Variants in EDIL3 observed in about 807,000 individuals in gnomAD.
EDIL3 encodes the protein EGF-like repeat and discoidin I-like domain-containing protein 3.
A neutral mutation model predicts 67.4 loss-of-function variants in EDIL3; 37 were observed. The ratio of observed to expected loss-of-function variants is 0.55; its 90% CI spans 0.42 to 0.72. The LOEUF (loss-of-function observed/expected upper bound fraction) is 0.72. Ranked by LOEUF, EDIL3 falls within the 30% of genes least tolerant of loss-of-function variation. The pLI is 0.00. For missense variants in EDIL3, 527 were observed against 586.3 expected (o/e 0.90, Z 1.04); for synonymous variants, 195 against 196.3 (o/e 0.99, Z 0.05).
At chr5:84,132,122 C>A (rs920076652) in intron 5 of EDIL3, among the ~76,000 whole-genome samples, 2 of 149,730 alleles carry the variant, frequency 1.3e-5, no homozygotes, top group Admixed American at 1.4e-4. Flanking sequence ...GTAATCCCAG[C>A]TACTTGGGAG....
At chr5:84,052,268 T>C (rs1046537775) in intron 9 of EDIL3, among the ~76,000 whole-genome samples, 4 of 152,182 alleles carry the variant, frequency 2.6e-5, no homozygotes, top group Non-Finnish European at 5.9e-5. Context: ...CTGAGAGATT[T>C]TGTCACCATC....
chr5:84,197,206 A>G (rs934709442), intron 3 of EDIL3, among the ~76,000 whole-genome samples: 1 of 152,040 alleles, frequency 6.6e-6, no homozygotes, highest in African/African-American at 2.4e-5. Flanking sequence ...TAGACAAATA[A>G]ATAGGCAACT....
At chr5:84,188,563 C>G (rs1428765742) in intron 3 of EDIL3, among the ~76,000 whole-genome samples, 2 of 151,630 alleles carry the variant, frequency 1.3e-5, no homozygotes, top group Non-Finnish European at 1.5e-5. Flanking sequence ...AAACTGTGTC[C>G]CCCCGAGAAC....
At chr5:84,106,473 T>C (rs1364325075) in intron 6 of EDIL3, among the ~76,000 whole-genome samples, 176 bp downstream of exon 6, 1 of 152,110 alleles carries the variant, frequency 6.6e-6, no homozygotes, top group Admixed American at 6.6e-5. Flanking sequence ...CTTAATGGAA[T>C]GTGCATGTTT....
chr5:84,318,312 A>G (rs1746556320), intron 1 of EDIL3, among the ~76,000 whole-genome samples: 1 of 152,168 alleles, frequency 6.6e-6, no homozygotes, highest in Non-Finnish European at 1.5e-5. Flanking sequence ...ACTACTTTGA[A>G]TTTCATATGG....
At position 83,990,037 on chromosome 5, in the gene EDIL3, T is replaced by A. The variant is rs1030039735; in HGVS notation, c.1138-26677A>T. ...GAAGCAGATTTTTCCCTGTGCAATC[T>A]TCCAGATGAGAATACAGCCCAGTCA... On this transcript the variant is annotated intron_variant, in intron 9 of 10. Coordinates refer to ENST00000296591, the MANE Select transcript of EDIL3 (RefSeq NM_005711.5). Among the ~76,000 whole-genome samples, 25 of 152,248 alleles carry A rather than the reference T, an allele frequency of 1.6e-4. No homozygotes were observed. In the East Asian group the frequency reaches 4.6e-3, roughly 28 times the overall value.
chr5:84,160,169 G>C (rs1748578123), intron 4 of EDIL3, among the ~76,000 whole-genome samples: 1 of 152,086 alleles, frequency 6.6e-6, no homozygotes, highest in Non-Finnish European at 1.5e-5. Context: ...ACTCCAGTGA[G>C]GTGCCTCTGT....
Position 84,031,776 on chromosome 5 carries a change from T to C in EDIL3, c.1137+28524A>G, listed in dbSNP as rs73151679. ...CACCCAGTCTGTAGTATTTTTGTTA[T>C]AGCAGCCCAAACTGACAAAGACACC... is the stretch of plus-strand genomic sequence containing the variant. On this transcript the variant is annotated intron_variant, in intron 9 of 10. Transcript: ENST00000296591. Among the ~76,000 whole-genome samples, 168 of 152,322 alleles carry C rather than the reference T, an allele frequency of 1.1e-3. 1 individual carries two copies. Among genetic ancestry groups the C allele is most frequent in the African/African-American group, 3.8e-3 (157 of 41,578 alleles).
chr5:83,977,101 C>G (rs1580261600), intron 9 of EDIL3, among the ~76,000 whole-genome samples: 1 of 151,634 alleles, frequency 6.6e-6, no homozygotes, highest in African/African-American at 2.4e-5. Flanking sequence ...GAAAATATAT[C>G]TAGGAGTAAG....
intron 10 of EDIL3, among the ~76,000 whole-genome samples, chr5:83,955,237 T>C (rs1428438970): frequency 2.6e-5 from 4 of 151,706 alleles, no homozygotes; most frequent in Admixed American, 6.6e-5. Context: ...TGGTGGAAGA[T>C]TGAGAAGATA....
intron 1 of EDIL3, among the ~76,000 whole-genome samples, chr5:84,305,922 G>A (rs147108359): frequency 1.0e-3 from 144 of 140,784 alleles, no homozygotes; most frequent in East Asian, 2.4e-3. Flanking sequence ...TAAATAAATA[G>A]ATAGATAAAT....
intron 9 of EDIL3, among the ~76,000 whole-genome samples, chr5:83,988,411 A>G (rs1205672265): frequency 6.6e-6 from 1 of 152,190 alleles, no homozygotes; most frequent in African/African-American, 2.4e-5. Flanking sequence ...TTTTGCTTCC[A>G]TAAGTGCTAG....
At chr5:84,185,102 C>T (rs950696747) in intron 3 of EDIL3, among the ~76,000 whole-genome samples, 1 of 152,058 alleles carries the variant, frequency 6.6e-6, no homozygotes, top group Non-Finnish European at 1.5e-5. Flanking sequence ...ATAAAATGGG[C>T]TCAGGGAGGA....
At chr5:84,231,905 T>C (rs975350518) in intron 2 of EDIL3, among the ~76,000 whole-genome samples, 7 of 152,196 alleles carry the variant, frequency 4.6e-5, no homozygotes, top group African/African-American at 1.4e-4. Context: ...CTTACACTTA[T>C]GGCTGGTCAC....
intron 6 of EDIL3, among the ~76,000 whole-genome samples, chr5:84,092,554 A>G (rs1015951992): frequency 2.0e-5 from 3 of 152,212 alleles, no homozygotes; most frequent in Admixed American, 2.0e-4. Flanking sequence ...TATGAGAAAC[A>G]GTAATAAAAA....
At chr5:84,059,909 C>T (rs554863520) in intron 9 of EDIL3, among the ~76,000 whole-genome samples, 30 of 152,254 alleles carry the variant, frequency 2.0e-4, no homozygotes, top group Admixed American at 1.8e-3. Context: ...CATGATTCTA[C>T]GTGAACAGTT....
At chr5:84,121,550 T>G (rs535714700) in intron 5 of EDIL3, among the ~76,000 whole-genome samples, 40 of 124,118 alleles carry the variant, frequency 3.2e-4, no homozygotes, top group African/African-American at 3.9e-4. Context: ...TCTATCTATC[T>G]ATCTATCTAT....
intron 1 of EDIL3, among the ~76,000 whole-genome samples, chr5:84,298,025 G>A (rs1306469417): frequency 6.6e-6 from 1 of 152,068 alleles, no homozygotes; most frequent in Non-Finnish European, 1.5e-5. Flanking sequence ...CCCCAGACAT[G>A]TTCCAAGACT....
chr5:84,241,696 A>C (rs1473707061), intron 2 of EDIL3, among the ~76,000 whole-genome samples: 4 of 151,278 alleles, frequency 2.6e-5, no homozygotes, highest in African/African-American at 7.2e-5. Flanking sequence ...GAAAAAAAAA[A>C]AACAACCTGA....
Sources: allele counts gnomAD v4.1 joint callset (sites outside exome capture counted in the v4.1 genomes callset), GRCh38; gene constraint gnomAD v4.1.1; transcripts MANE v1.5; gene names NCBI Gene and HGNC (gene_info 2026-07-23, HGNC 2026-07-21).